The following DOC2A variants were observed in gnomAD, a reference collection of about 807,000 sequenced individuals.
DOC2A encodes the protein double C2 domain alpha.
A neutral mutation model predicts 40.6 loss-of-function variants in DOC2A; 28 were observed. The observed-to-expected ratio is 0.69, with a 90% confidence interval of 0.51 to 0.95. The LOEUF is 0.95. Ranked by LOEUF, DOC2A falls within the 40% of genes least tolerant of loss-of-function variation. DOC2A has a pLI of 0.00. For missense variants in DOC2A, 474 were observed against 552.5 expected, an observed-to-expected ratio of 0.86 and a Z score of 1.42; for synonymous variants, 241 against 236.9, an observed-to-expected ratio of 1.02 and a Z score of -0.16.
chr16:30,010,533 C>T lies in DOC2A; in HGVS notation c.-13-298G>A, dbSNP rs927066191. 4.2e-6 allele frequency: 2 copies of T among 471,500 alleles called. No homozygotes were observed. Among genetic ancestry groups the T allele is most frequent in the East Asian group, 4.0e-5 (1 of 24,866 alleles). 29.2% of individuals were successfully genotyped at this position (471,500 alleles called of 1,614,324 possible). On this transcript the variant is annotated intron_variant, in intron 1 of 10. Coordinates refer to ENST00000350119, the MANE Select transcript of DOC2A (RefSeq NM_003586.3). This position sits in a 1 kb window ranked among gnomAD's most constrained non-coding sequence, Gnocchi z 4.2. ...TATCATCTTGCCAGCTCCTTCCTCT[C>T]CTCCGGGGCTCCCCTCTGCTCCTGA...
upstream of DOC2A, chr16:30,011,729 G>A (rs2070784703): frequency 6.6e-6 from 1 of 152,074 alleles, no homozygotes. Context: ...GGAGGCAGAG[G>A]TCTGATGCTG....
upstream of DOC2A, among the ~76,000 whole-genome samples, chr16:30,014,345 C>A: frequency 6.6e-6 from 1 of 151,592 alleles, no homozygotes. Context: ...CTTAGAAAAG[C>A]CAAGTGCAGG....
In DOC2A at chr16:30,017,975, A is replaced by G. The variant is rs1015348275; in HGVS notation, c.-376+3208T>C. Among the ~76,000 whole-genome samples, 136 of 148,432 alleles carry G rather than the reference A, an allele frequency of 9.2e-4. 2 individuals are homozygous for G. Among genetic ancestry groups the G allele is most frequent in the African/African-American group, 3.1e-3 (125 of 40,322 alleles). ...ACTCTGTCTCCGGAAAAAAAAAAAA[A>G]AAAGAAAGAAAAGAAAATTGAGGCT... On this transcript the variant is annotated intron_variant, in intron 1 of 5. Transcript: ENST00000574405.
chr16:30,006,730 CA>C lies in DOC2A; in HGVS notation c.878+54del. ...TGAGGGGTGAGGGACAGGCCAGGCC[CA>C]ACTCAGGCCAGGGCAGGCTCCCTGG... On this transcript the variant is annotated intron_variant, in intron 8 of 10. Coordinates refer to ENST00000350119, the MANE Select transcript of DOC2A (RefSeq NM_003586.3). The surrounding 1 kb of genome is among the most constrained non-coding windows in gnomAD (Gnocchi z 6.2). 1 of 1,613,774 alleles carries C rather than the reference CA, an allele frequency of 6.2e-7. No individual in the cohort carries two copies. Among genetic ancestry groups the C allele is most frequent in the Non-Finnish European group, 8.5e-7 (1 of 1,179,884 alleles).
Position 30,005,692 on chromosome 16 carries a change from G to T in DOC2A, c.*494C>A. On this transcript the variant is annotated 3_prime_UTR_variant, in exon 11 of 11. Transcript: ENST00000350119. The stretch of plus-strand genomic sequence containing the variant: ...TGGCCGGGAGCATCTGCCACCTGCT[G>T]GGGAGGCAGAGACCCTGCAATGGCC... The T allele has an allele frequency of 1.8e-6, 1 of 550,820 alleles. No homozygotes were observed. Among genetic ancestry groups the T allele is most frequent in the Non-Finnish European group, 3.2e-6 (1 of 315,798 alleles). The allele number at this position is 550,820 out of a possible 1,614,324, so 34.1% of individuals were successfully genotyped here.
At position 30,010,201 on chromosome 16, in the gene DOC2A, G is replaced by C. The variant is rs547661048; in HGVS notation, c.22C>G (p.Arg8Gly). 28 of 1,613,942 alleles carry C rather than the reference G, an allele frequency of 1.7e-5. No individual in the cohort carries two copies. In the Admixed American group the frequency reaches 2.3e-4, roughly 13 times the overall value. The change falls in exon 2 of 11, where the codon CGC becomes GGC. Residue 8 changes from arginine (R) to glycine (G), a missense_variant. Physicochemically the swap from Arg to Gly is moderately radical, Grantham distance 125. Coordinates refer to ENST00000350119, the MANE Select transcript of DOC2A (RefSeq NM_003586.3). This position sits in a 1 kb window ranked among gnomAD's most constrained non-coding sequence, Gnocchi z 4.2. ...TGCTCCTGGATGTTGATGGTCATGC[G>C]ATCGCCCCTGCGGCCCCTCATGCAG... MRGRRGD[R>G]MTINIQEHMA...
rs200746766 is a variant in DOC2A, at chr16:30,006,956, G to C, written c.715-8C>G. 6.2e-7 allele frequency: 1 copy of C among 1,613,582 alleles called. No homozygotes were observed. Among genetic ancestry groups the C allele is most frequent in the Non-Finnish European group, 8.5e-7 (1 of 1,179,738 alleles). ...CTGCTCCGCCTGCTCCAACTGCGGGGCACAGACTCAGGGTCAGCCTGGGCC... is the reference window on the plus strand; with the variant it reads ...CTGCTCCGCCTGCTCCAACTGCGGGCCACAGACTCAGGGTCAGCCTGGGCC... On this transcript the variant is annotated splice_polypyrimidine_tract_variant and splice_region_variant and intron_variant, in intron 7 of 10. Coordinates refer to ENST00000350119, the MANE Select transcript of DOC2A (RefSeq NM_003586.3). This position sits in a 1 kb window ranked among gnomAD's most constrained non-coding sequence, Gnocchi z 6.2.
Position 30,005,956 on chromosome 16 carries a change from TG to T in DOC2A, c.*229del, listed in dbSNP as rs1346688741. The T allele has an allele frequency of 2.4e-5, 14 of 589,802 alleles. No homozygotes were observed. The highest frequency in any genetic ancestry group is 3.9e-5 in the Non-Finnish European group (13 of 336,548). 36.5% of individuals were successfully genotyped at this position (589,802 alleles called of 1,614,324 possible). ...GAGCACTGCCCGGGTGTGCAGATGA[TG>T]GGGGGTTTGCATATTTGCAGGGACT... On this transcript the variant is annotated 3_prime_UTR_variant, in exon 11 of 11. Transcript: ENST00000350119.
At chr16:30,020,724 T>C (rs1201223134) in intron 1 of DOC2A, among the ~76,000 whole-genome samples, 1 of 152,034 alleles carries the variant, frequency 6.6e-6, no homozygotes, top group Non-Finnish European at 1.5e-5. Context: ...GCATATGCTT[T>C]TGATCCTGGC....
At chr16:30,017,196 T>C (rs1190725203), upstream of DOC2A, among the ~76,000 whole-genome samples, 1 of 151,808 alleles carries the variant, frequency 6.6e-6, no homozygotes, top group Non-Finnish European at 1.5e-5. Context: ...GGATGATCGC[T>C]TGAGCCCAGG....
chr16:30,016,053 A>AT (rs1271681523), upstream of DOC2A, among the ~76,000 whole-genome samples: 643 of 18,086 alleles, frequency 0.036, 1 homozygote, highest in East Asian at 0.058. Flanking sequence ...ATATATATAT[A>AT]TATTTTTTTT....
chr16:30,007,194 G>C lies in DOC2A; in HGVS notation c.633C>G (p.Ile211Met). 1.2e-6 allele frequency: 2 copies of C among 1,614,040 alleles called. No homozygotes were observed. The highest frequency in any genetic ancestry group is 1.7e-6 in the Non-Finnish European group (2 of 1,180,034). The change falls in exon 6 of 11, where the codon ATC becomes ATG. Residue 211 changes from isoleucine to methionine, a missense_variant. By Grantham distance (10) the Ile-to-Met change is conservative. Coordinates refer to ENST00000350119, the MANE Select transcript of DOC2A (RefSeq NM_003586.3). ...AGACCGGGACCTGGCGCTCGAGGCA[G>C]ATGTTAAAATGCTTCTTCTGCGAAG... is the stretch of plus-strand genomic sequence containing the variant. ...LKPSQKKHFN[I>M]CLERQVPLAS... is the part of the protein sequence containing the mutation.
At position 30,009,927 on chromosome 16, in the gene DOC2A, C is replaced by T; in HGVS notation, c.262+34G>A. ...ACCACGGCAAGCCTGGAGACCCCCACCAGCACATGGGGCCTCCAAGCCCCC... is the reference window on the plus strand; with the variant it reads ...ACCACGGCAAGCCTGGAGACCCCCATCAGCACATGGGGCCTCCAAGCCCCC... On this transcript the variant is annotated intron_variant, in intron 2 of 10. Transcript: ENST00000350119. This position sits in a 1 kb window ranked among gnomAD's most constrained non-coding sequence, Gnocchi z 4.1. The T allele has an allele frequency of 6.2e-7, 1 of 1,610,402 alleles. No individual in the cohort carries two copies. The highest frequency in any genetic ancestry group is 8.5e-7 in the Non-Finnish European group (1 of 1,179,382).
chr16:30,006,734 T>A lies in DOC2A; in HGVS notation c.878+51A>T. On this transcript the variant is annotated intron_variant, in intron 8 of 10. Coordinates refer to ENST00000350119, the MANE Select transcript of DOC2A (RefSeq NM_003586.3). This position sits in a 1 kb window ranked among gnomAD's most constrained non-coding sequence, Gnocchi z 6.2. ...GGGTGAGGGACAGGCCAGGCCCAAC[T>A]CAGGCCAGGGCAGGCTCCCTGGGGA... The A allele has an allele frequency of 6.2e-7, 1 of 1,613,588 alleles. No homozygotes were observed.
At chr16:30,019,154 C>A (rs1455567107) in intron 1 of DOC2A, among the ~76,000 whole-genome samples, 1 of 152,146 alleles carries the variant, frequency 6.6e-6, no homozygotes, top group Non-Finnish European at 1.5e-5. Flanking sequence ...CCCATCTCTA[C>A]TAAAAATTAA....
At chr16:30,007,980 T>C (rs1025632960) in intron 5 of DOC2A, 3 of 156,588 alleles carry the variant, frequency 1.9e-5, no homozygotes, top group African/African-American at 7.2e-5. Context: ...GGCTGGGCCC[T>C]GGTGAGCGCT....
At position 30,007,265 on chromosome 16, in the gene DOC2A, T is replaced by C. The variant is rs1452760999; in HGVS notation, c.562A>G (p.Asn188Asp). The C allele has an allele frequency of 6.2e-7, 1 of 1,613,994 alleles. No individual in the cohort carries two copies. Among genetic ancestry groups the C allele is most frequent in the Admixed American group, 1.7e-5 (1 of 60,030 alleles). Residue 188 changes from asparagine (N) to aspartate (D), a missense_variant, in exon 6 of 11, where the codon AAT (asparagine) becomes GAT (aspartate). Asn to Asp is a conservative substitution (Grantham distance 23). Transcript: ENST00000350119. The part of the protein sequence containing the change: ...AVCDEDKLSH[N>D]EFIGEIRVPL... ...ACGCGGATCTCCCCAATAAACTCAT[T>C]GTGACTCAGCTTGTCCTCATCACAG... is the stretch of plus-strand genomic sequence containing the variant.
Position 30,005,926 on chromosome 16 carries a change from G to C in DOC2A, c.*260C>G. ...GAGGAGCGCGGGGGCCTGGGGCCGG[G>C]CTCTGAGCACTGCCCGGGTGTGCAG... On this transcript the variant is annotated 3_prime_UTR_variant, in exon 11 of 11. Transcript: ENST00000350119. 2 of 560,360 alleles carry C rather than the reference G, an allele frequency of 3.6e-6. No homozygotes were observed. The highest frequency in any genetic ancestry group is 1.9e-5 in the African/African-American group (1 of 53,202). The allele number at this position is 560,360 out of a possible 1,614,324, so 34.7% of individuals were successfully genotyped here.
rs369844303 is a variant in DOC2A, at chr16:30,006,540, G to A, written c.961-31C>T. On this transcript the variant is annotated intron_variant, in intron 9 of 10. Coordinates refer to ENST00000350119, the MANE Select transcript of DOC2A (RefSeq NM_003586.3). The surrounding 1 kb of genome is among the most constrained non-coding windows in gnomAD (Gnocchi z 6.2). ...GACAAGGCCGGCCACCCGTTCGTGA[G>A]CCAGCTCCCCAGCCCCTCCCTGGCC... 374 of 1,613,242 alleles carry A rather than the reference G, an allele frequency of 2.3e-4. No individual in the cohort carries two copies. Among genetic ancestry groups the A allele is most frequent in the Non-Finnish European group, 3.0e-4 (353 of 1,179,534 alleles).
Sources: allele counts gnomAD v4.1 joint callset (sites outside exome capture counted in the v4.1 genomes callset), GRCh38; gene constraint gnomAD v4.1.1; non-coding constraint Gnocchi (gnomAD v3.1); transcripts MANE v1.5; gene names NCBI Gene and HGNC (gene_info 2026-07-23, HGNC 2026-07-21).